TRAK1: variants seen among roughly 807,000 people sequenced by gnomAD.
The protein encoded by TRAK1 is trafficking kinesin-binding protein 1.
In TRAK1, 33 loss-of-function variants were observed where a neutral mutation model predicts 92.1. The ratio of observed to expected loss-of-function variants is 0.36; its 90% CI spans 0.27 to 0.48. TRAK1 has a LOEUF of 0.48. TRAK1 is among the 20% of genes least tolerant of loss of function. The pLI is 0.99. For missense variants in TRAK1, 1,123 were observed against 1,257.9 expected, an observed-to-expected ratio of 0.89 and a Z score of 1.62; for synonymous variants, 521 against 517.3, an observed-to-expected ratio of 1.01 and a Z score of -0.10.
intron 1 of TRAK1, among the ~76,000 whole-genome samples, chr3:42,015,996 C>T (rs1457526762): frequency 6.6e-6 from 1 of 152,108 alleles, no homozygotes; most frequent in Non-Finnish European, 1.5e-5. Context: ...AAGATCCCGC[C>T]ACTGCACTTC....
At chr3:42,023,243 A>G (rs1701790737) in intron 1 of TRAK1, among the ~76,000 whole-genome samples, 2 of 151,894 alleles carry the variant, frequency 1.3e-5, no homozygotes, top group South Asian at 4.1e-4. Flanking sequence ...TCTTTATAGT[A>G]TACTGAATTC....
intron 1 of TRAK1, among the ~76,000 whole-genome samples, chr3:42,068,664 AGTCT>A (rs1235537041): frequency 2.0e-5 from 3 of 152,302 alleles, no homozygotes; most frequent in African/African-American, 7.2e-5. Context: ...ATTTGCACAT[AGTCT>A]GTTTGTAGGA....
At chr3:42,051,388 G>A (rs1443639281) in intron 1 of TRAK1, 1 of 152,254 alleles carries the variant, frequency 6.6e-6, no homozygotes, top group Non-Finnish European at 1.5e-5. Context: ...GGTGAGGGTG[G>A]TGCAGATTTT....
chr3:42,123,619 G>A (rs1360630602), intron 1 of TRAK1, among the ~76,000 whole-genome samples: 1 of 152,154 alleles, frequency 6.6e-6, no homozygotes, highest in East Asian at 1.9e-4. Context: ...ATCTTACCGT[G>A]TTTAGGAATA....
At chr3:42,160,234 G>A (rs1372210020) in intron 2 of TRAK1, 8 of 1,491,244 alleles carry the variant, frequency 5.4e-6, no homozygotes, top group Admixed American at 2.3e-5. Context: ...GCATGTCTGC[G>A]GCCCAGGCCA....
At chr3:42,102,037 G>C (rs1706837135) in intron 1 of TRAK1, among the ~76,000 whole-genome samples, 1 of 152,220 alleles carries the variant, frequency 6.6e-6, no homozygotes, top group African/African-American at 2.4e-5. Context: ...CTAGGCTGGA[G>C]TGTAGTGATG....
At chr3:42,068,866 G>A (rs1386870755) in intron 1 of TRAK1, among the ~76,000 whole-genome samples, 1 of 152,130 alleles carries the variant, frequency 6.6e-6, no homozygotes, top group Non-Finnish European at 1.5e-5. Flanking sequence ...TTTTATAGAT[G>A]AGAAAACTGA....
chr3:42,066,023 C>T (rs946785981), intron 1 of TRAK1, among the ~76,000 whole-genome samples: 3 of 152,168 alleles, frequency 2.0e-5, no homozygotes, highest in Admixed American at 6.5e-5. Context: ...CAGAACAAAC[C>T]CCTATTAAAG....
At chr3:42,189,777 T>C (rs1215338103) in intron 6 of TRAK1, among the ~76,000 whole-genome samples, 2 of 152,172 alleles carry the variant, frequency 1.3e-5, no homozygotes, top group African/African-American at 4.8e-5. Context: ...GTGATCCACC[T>C]GCCTCGGCCT....
intron 1 of TRAK1, chr3:42,051,328 T>G (rs552104374): frequency 6.6e-6 from 1 of 152,440 alleles, no homozygotes; most frequent in African/African-American, 2.4e-5. Flanking sequence ...CTGATAGCTT[T>G]CACCATTCTA....
Position 42,091,400 on chromosome 3 carries a change from A to G in TRAK1, c.-70A>G. 7.0e-7 allele frequency: 1 copy of G among 1,432,634 alleles called. No homozygotes were observed. The highest frequency in any genetic ancestry group is 9.7e-7 in the Non-Finnish European group (1 of 1,031,714). 88.7% of individuals were successfully genotyped at this position (1,432,634 alleles called of 1,614,324 possible). On this transcript the variant is annotated 5_prime_UTR_variant, in exon 1 of 16. Transcript: ENST00000327628. ...GCACGGGAGGGTGGCTGTGCGAGGTACTGCCGGGGCTGAGCTCTCATGGAG... is the reference window on the plus strand; with the variant it reads ...GCACGGGAGGGTGGCTGTGCGAGGTGCTGCCGGGGCTGAGCTCTCATGGAG...
At position 42,134,156 on chromosome 3, in the gene TRAK1, CTCCCCT is replaced by C. The variant is rs1282497367; in HGVS notation, c.286+8558_286+8563del. 9.9e-5 allele frequency among the ~76,000 whole-genome samples: 15 copies of C among 150,764 alleles called. 1 individual carries two copies. The highest frequency in any genetic ancestry group is 2.9e-4 in the African/African-American group (12 of 41,010). ...CAGGCTGTGGGCCTTTCCTTCCTTC[CTCCCCT>C]TCCCCTTCCCCTTCCTCTTCCCCTT... is the stretch of plus-strand genomic sequence containing the variant. On this transcript the variant is annotated intron_variant, in intron 2 of 15. Coordinates refer to ENST00000327628, the MANE Select transcript of TRAK1 (RefSeq NM_001042646.3).
At chr3:42,196,322 C>T (rs1559913982) in intron 10 of TRAK1, among the ~76,000 whole-genome samples, 1 of 152,174 alleles carries the variant, frequency 6.6e-6, no homozygotes, top group Non-Finnish European at 1.5e-5. Flanking sequence ...GCAGTTTTTG[C>T]ACAACTATGT....
At chr3:42,096,578 G>A (rs1300565634) in intron 1 of TRAK1, among the ~76,000 whole-genome samples, 2 of 152,176 alleles carry the variant, frequency 1.3e-5, no homozygotes, top group African/African-American at 4.8e-5. Flanking sequence ...AAAAGAATCA[G>A]TATAATGCCT....
chr3:42,070,085 C>T (rs891807645), intron 1 of TRAK1, among the ~76,000 whole-genome samples: 2 of 151,950 alleles, frequency 1.3e-5, no homozygotes, highest in African/African-American at 4.8e-5. Flanking sequence ...CTCTGGACCT[C>T]AGGTGATCTG....
intron 1 of TRAK1, among the ~76,000 whole-genome samples, chr3:42,055,834 A>G (rs1459766622): frequency 2.0e-5 from 3 of 151,772 alleles, no homozygotes; most frequent in Non-Finnish European, 4.4e-5. Flanking sequence ...GTTACTCCCC[A>G]TTTCCCCCAA....
intron 1 of TRAK1, among the ~76,000 whole-genome samples, chr3:42,081,249 A>T (rs1007816042): frequency 2.0e-5 from 3 of 152,166 alleles, no homozygotes; most frequent in Admixed American, 2.0e-4. Flanking sequence ...CAGCCTAGAG[A>T]GCCCATGGGC....
At chr3:42,054,762 G>A (rs1703127739) in intron 1 of TRAK1, among the ~76,000 whole-genome samples, 1 of 152,082 alleles carries the variant, frequency 6.6e-6, no homozygotes, top group Non-Finnish European at 1.5e-5. Context: ...AACTAAGTCA[G>A]TGAAAGTTGA....
intron 13 of TRAK1, among the ~76,000 whole-genome samples, chr3:42,206,358 G>A (rs1462053248): frequency 1.3e-5 from 2 of 152,144 alleles, no homozygotes; most frequent in Non-Finnish European, 2.9e-5. Flanking sequence ...GTTTGAGAAA[G>A]CACCCACATG....
Sources: allele counts gnomAD v4.1 joint callset (sites outside exome capture counted in the v4.1 genomes callset), GRCh38; gene constraint gnomAD v4.1.1; transcripts MANE v1.5; gene names NCBI Gene and HGNC (gene_info 2026-07-23, HGNC 2026-07-21).